The following PCDH19 variants were observed in gnomAD, a reference collection of about 807,000 sequenced individuals.
PCDH19 encodes protocadherin-19.
Under a neutral mutation model 46.2 loss-of-function variants are expected in PCDH19, and 6 were observed. The ratio of observed to expected loss-of-function variants is 0.13; its 90% confidence interval spans 0.07 to 0.26. The LOEUF (loss-of-function observed/expected upper bound fraction) is 0.26, where lower values mean the gene tolerates loss of function less well. Ranked by LOEUF, PCDH19 falls within the 10% of genes least tolerant of loss-of-function variation. PCDH19 has a pLI of 1.00. For missense variants in PCDH19, 740 were observed against 972.3 expected (o/e 0.76, Z 3.18); for synonymous variants, 481 against 415.7 (o/e 1.16, Z -1.91).
At position 100,407,470 on chromosome X, in the gene PCDH19, G is replaced by A. The variant is rs1928407272; in HGVS notation, c.1128C>T (p.Arg376=). The A allele has an allele frequency of 8.3e-7, 1 of 1,210,664 alleles. No individual in the cohort carries two copies. The highest frequency in any genetic ancestry group is 2.2e-5 in the Admixed American group (1 of 46,036). The stretch of plus-strand genomic sequence containing the variant: ...GCACACGTCCATTGAGGCCTGAGTC[G>A]CGATCAGACACCCGCACCAAGGCGA... The part of the protein sequence containing the change: ...YVIALVRVSD[R]DSGLNGRVQC... The change falls in exon 1 of 6, where the codon CGC becomes CGT. Residue 376 remains arginine, a synonymous_variant. Coordinates refer to ENST00000373034, the MANE Select transcript of PCDH19 (RefSeq NM_001184880.2).
chrX:100,322,859 A>ATT (rs1400588865), intron 5 of PCDH19, among the ~76,000 whole-genome samples: 4 of 43,676 alleles, frequency 9.2e-5, no homozygotes, highest in African/African-American at 4.1e-4. Context: ...ATATATATAT[A>ATT]TATATATTTT....
chrX:100,301,808 G>A (rs1470845679), intron 5 of PCDH19, among the ~76,000 whole-genome samples: 1 of 111,964 alleles, frequency 8.9e-6, no homozygotes, highest in African/African-American at 3.2e-5. Flanking sequence ...ACTCTATGAA[G>A]CAGAGATAAC....
At chrX:100,361,080 C>T (rs1279077879) in intron 3 of PCDH19, among the ~76,000 whole-genome samples, 5 of 111,472 alleles carry the variant, frequency 4.5e-5, no homozygotes, top group African/African-American at 1.6e-4. Context: ...GCATAGAAAG[C>T]CATAATTACC....
intron 5 of PCDH19, among the ~76,000 whole-genome samples, chrX:100,339,518 C>T: frequency 8.9e-6 from 1 of 112,504 alleles, no homozygotes. Flanking sequence ...ATGTGATATA[C>T]TTATTATGCA....
intron 5 of PCDH19, among the ~76,000 whole-genome samples, chrX:100,306,339 G>A (rs1445854798): frequency 2.7e-5 from 3 of 111,736 alleles, no homozygotes; most frequent in African/African-American, 9.7e-5. Flanking sequence ...AAACCAAGAT[G>A]GAAACTGAAA....
At chrX:100,324,870 T>C (rs1925631370) in intron 5 of PCDH19, among the ~76,000 whole-genome samples, 3 of 111,013 alleles carry the variant, frequency 2.7e-5, no homozygotes, top group African/African-American at 9.9e-5. Flanking sequence ...CATTTAATCC[T>C]TACAACCACC....
intron 3 of PCDH19, among the ~76,000 whole-genome samples, chrX:100,385,943 A>T (rs1335473316): frequency 8.9e-6 from 1 of 112,158 alleles, no homozygotes; most frequent in Non-Finnish European, 1.9e-5. Flanking sequence ...AGAAAAGAGA[A>T]ATAGAATGAT....
chrX:100,295,054 C>CT lies in PCDH19; in HGVS notation c.*1222dup, dbSNP rs1924551131. 5.3e-5 allele frequency: 6 copies of CT among 112,293 alleles called. No individual in the cohort carries two copies. The South Asian group carries it at 2.3e-3, about 42-fold the overall frequency. 9.3% of individuals were successfully genotyped at this position (112,293 alleles called of 1,213,427 possible). A position where few individuals can be genotyped will look rare whatever the true frequency, so the allele number is the denominator to read the frequency against. On this transcript the variant is annotated 3_prime_UTR_variant, in exon 6 of 6. Coordinates refer to ENST00000373034, the MANE Select transcript of PCDH19 (RefSeq NM_001184880.2). ...AGCGATGCTGTTACCTGTTACCTGTCTTTTCCAAAATATACACTTTGTACT... is the reference window on the plus strand; with the variant it reads ...AGCGATGCTGTTACCTGTTACCTGTCTTTTTCCAAAATATACACTTTGTACT...
At chrX:100,401,593 G>A (rs920875718) in intron 3 of PCDH19, among the ~76,000 whole-genome samples, 18 of 109,523 alleles carry the variant, frequency 1.6e-4, no homozygotes, top group Non-Finnish European at 1.5e-4. Context: ...TGGAGGTTGC[G>A]GTGAGCCAAC....
At chrX:100,319,663 A>G (rs975367878) in intron 5 of PCDH19, among the ~76,000 whole-genome samples, 2 of 112,247 alleles carry the variant, frequency 1.8e-5, no homozygotes, top group African/African-American at 3.2e-5. Context: ...CCAGAAGACT[A>G]AAAGACACTA....
chrX:100,295,464 G>A lies in PCDH19; in HGVS notation c.*813C>T, dbSNP rs753865574. ...GACCTGGGCAGACCACTGAAAGGCA[G>A]GAAAAATACTTTGCAAAGTGGTGAG... On this transcript the variant is annotated 3_prime_UTR_variant, in exon 6 of 6. Transcript: ENST00000373034. 2.4e-4 allele frequency: 27 copies of A among 112,117 alleles called. No individual in the cohort carries two copies. Among genetic ancestry groups the A allele is most frequent in the Non-Finnish European group, 4.5e-4 (24 of 53,256 alleles). The allele number at this position is 112,117 out of a possible 1,213,427, so 9.2% of individuals were successfully genotyped here. A position where few individuals can be genotyped will look rare whatever the true frequency, so the allele number is the denominator to read the frequency against.
intron 5 of PCDH19, among the ~76,000 whole-genome samples, chrX:100,317,609 A>C (rs1481499980): frequency 9.1e-6 from 1 of 110,314 alleles, no homozygotes; most frequent in Non-Finnish European, 1.9e-5. Flanking sequence ...AAAAAAAAAA[A>C]AAACCTACTT....
intron 4 of PCDH19, among the ~76,000 whole-genome samples, chrX:100,348,947 G>C (rs1926492969): frequency 9.7e-6 from 1 of 103,373 alleles, no homozygotes; most frequent in Admixed American, 1.1e-4. Context: ...GGTAGAGATG[G>C]TGGGGGGTGG....
intron 1 of PCDH19, among the ~76,000 whole-genome samples, chrX:100,404,767 A>G (rs1928296404): frequency 9.0e-6 from 1 of 111,544 alleles, no homozygotes; most frequent in African/African-American, 3.3e-5. Context: ...TTCATCAAGG[A>G]AAGGATCTTA....
chrX:100,359,642 A>G (rs1362451921), intron 3 of PCDH19, among the ~76,000 whole-genome samples: 3 of 111,994 alleles, frequency 2.7e-5, no homozygotes, highest in African/African-American at 9.7e-5. Context: ...AACCCCAATG[A>G]CTTGGAAGAC....
intron 3 of PCDH19, among the ~76,000 whole-genome samples, chrX:100,372,126 G>A (rs1927247708): frequency 9.0e-6 from 1 of 111,390 alleles, no homozygotes; most frequent in African/African-American, 3.3e-5. Flanking sequence ...AATCCCAGCT[G>A]CTTGAGAGGC....
At chrX:100,363,856 C>CATGTGTGTGT (rs57620335) in intron 3 of PCDH19, among the ~76,000 whole-genome samples, 5,037 of 88,798 alleles carry the variant, frequency 0.057, 123 homozygotes, top group East Asian at 0.075. Context: ...AATGTGCGTG[C>CATGTGTGTGT]GTGTGTGTGT....
At chrX:100,323,734 C>T (rs1162166428) in intron 5 of PCDH19, among the ~76,000 whole-genome samples, 1 of 111,014 alleles carries the variant, frequency 9.0e-6, no homozygotes, top group African/African-American at 3.3e-5. Context: ...AAAATCTTCA[C>T]AAGGGAAGAC....
intron 3 of PCDH19, among the ~76,000 whole-genome samples, chrX:100,370,592 G>A (rs1245399578): frequency 8.9e-6 from 1 of 111,797 alleles, no homozygotes; most frequent in African/African-American, 3.3e-5. Context: ...CCATAGCAGA[G>A]AATGAATCGC....
Sources: gnomAD v4.1 joint callset for allele counts (sites outside exome capture counted in the v4.1 genomes callset) on GRCh38, gnomAD v4.1.1 for gene constraint, MANE v1.5 for transcripts, NCBI Gene and HGNC (gene_info 2026-07-23, HGNC 2026-07-21) for gene names.